CDH18: variants seen among roughly 807,000 people sequenced by gnomAD.
The protein encoded by CDH18 is cadherin-18.
In CDH18, 31 loss-of-function variants were observed where a neutral mutation model predicts 67.9. That is an observed-to-expected ratio of 0.46 (90% CI 0.34 to 0.62). The LOEUF is 0.62. Among genes scored for constraint, CDH18 ranks in the 20% least tolerant of loss-of-function variants. CDH18 has a pLI of 0.01. For missense variants in CDH18, 890 were observed against 975.5 expected (o/e 0.91, Z 1.17); for synonymous variants, 362 against 347.2 (o/e 1.04, Z -0.48).
At chr5:20,405,093 G>A (rs1022664286) in intron 1 of CDH18, among the ~76,000 whole-genome samples, 1 of 152,028 alleles carries the variant, frequency 6.6e-6, no homozygotes, top group Non-Finnish European at 1.5e-5. Context: ...TTAGTTTAAA[G>A]TTCATATGGA....
At position 20,290,088 on chromosome 5, in the gene CDH18, TC is replaced by T. The variant is rs1424390551; in HGVS notation, c.-579-34584del. ...AGGCAGGGAGAAATAATACCTTCCT[TC>T]CCTGTCAAGTGCATTCTACAGCAGT... On this transcript the variant is annotated intron_variant, in intron 1 of 14. Coordinates refer to the CDH18 transcript ENST00000507958. 2.0e-5 allele frequency among the ~76,000 whole-genome samples: 3 copies of T among 152,172 alleles called. No homozygotes were observed. The East Asian group carries it at 5.8e-4, about 29-fold the overall frequency.
At chr5:20,115,409 G>A (rs1208611787) in intron 2 of CDH18, among the ~76,000 whole-genome samples, 1 of 149,508 alleles carries the variant, frequency 6.7e-6, no homozygotes, top group African/African-American at 2.5e-5. Flanking sequence ...CTCCTGAGTA[G>A]CTGGGACTAC....
intron 5 of CDH18, among the ~76,000 whole-genome samples, chr5:19,670,301 T>A (rs935290652): frequency 1.3e-5 from 2 of 152,260 alleles, no homozygotes; most frequent in Non-Finnish European, 1.5e-5. Flanking sequence ...GTGGTTTTCA[T>A]ATGAAAATTC....
chr5:20,083,065 A>G (rs1027181365), intron 2 of CDH18, among the ~76,000 whole-genome samples: 3 of 152,240 alleles, frequency 2.0e-5, no homozygotes, highest in African/African-American at 4.8e-5. Context: ...AATATGTTAC[A>G]TTGCATTTCC....
rs1580467768 is a variant in CDH18 at position 20,202,580 on chromosome 5, G to C, written c.-518+52864C>G. Among the ~76,000 whole-genome samples, 3 of 152,010 alleles carry C rather than the reference G, an allele frequency of 2.0e-5. No individual in the cohort carries two copies. In the South Asian group the frequency reaches 6.2e-4, roughly 32 times the overall value. On this transcript the variant is annotated intron_variant, in intron 2 of 14. Transcript: ENST00000507958. ...CTGGTGTTATTAGAGGCAAAAACTA[G>C]AGAAATAACATGTTGCCCAAATGAA...
At chr5:20,261,602 G>A (rs966209302) in intron 1 of CDH18, among the ~76,000 whole-genome samples, 3 of 152,158 alleles carry the variant, frequency 2.0e-5, no homozygotes, top group East Asian at 1.9e-4. Flanking sequence ...TTAGCCAGGC[G>A]TGGTGGCGGG....
intron 5 of CDH18, among the ~76,000 whole-genome samples, chr5:19,634,519 T>C (rs1176780412): frequency 2.0e-5 from 3 of 152,206 alleles, no homozygotes; most frequent in South Asian, 4.1e-4. Flanking sequence ...CATAAAAAAC[T>C]GCCTAGAGAA....
At chr5:19,575,494 T>C (rs1031260753) in intron 7 of CDH18, among the ~76,000 whole-genome samples, 1 of 152,184 alleles carries the variant, frequency 6.6e-6, no homozygotes, top group Non-Finnish European at 1.5e-5. Flanking sequence ...TTTCATATGG[T>C]TCAGTCTAGC....
intron 2 of CDH18, among the ~76,000 whole-genome samples, chr5:19,880,141 A>G (rs1009704509): frequency 7.2e-5 from 11 of 151,940 alleles, no homozygotes. Flanking sequence ...GGTAAACTCT[A>G]TATGTACTTC....
intron 1 of CDH18, chr5:20,304,217 G>A: frequency 2.0e-6 from 3 of 1,504,580 alleles, no homozygotes; most frequent in South Asian, 1.1e-5. Context: ...TGGCATATTG[G>A]GTGGAATCAG....
chr5:19,707,739 TG>T (rs1764152580), intron 5 of CDH18, among the ~76,000 whole-genome samples: 1 of 152,192 alleles, frequency 6.6e-6, no homozygotes, highest in Non-Finnish European at 1.5e-5. Flanking sequence ...CTCCTATAAC[TG>T]AGGCATACCA....
chr5:19,803,740 A>G (rs1318064707), intron 3 of CDH18: 1 of 152,194 alleles, frequency 6.6e-6, no homozygotes, highest in African/African-American at 2.4e-5. Context: ...TTTCTGATTA[A>G]GCTAGCTAAT....
intron 2 of CDH18, among the ~76,000 whole-genome samples, chr5:20,117,685 A>G (rs966572136): frequency 4.6e-5 from 7 of 152,206 alleles, no homozygotes; most frequent in African/African-American, 1.7e-4. Flanking sequence ...AGCGAACAGA[A>G]TTATAATATA....
intron 2 of CDH18, among the ~76,000 whole-genome samples, chr5:19,875,550 T>C (rs1786884466): frequency 6.6e-6 from 1 of 152,092 alleles, no homozygotes; most frequent in Admixed American, 6.6e-5. Context: ...TTTTTATGTT[T>C]TGTACCTTCA....
At chr5:19,476,089 G>A (rs1738414779) in intron 12 of CDH18, among the ~76,000 whole-genome samples, 1 of 152,010 alleles carries the variant, frequency 6.6e-6, no homozygotes, top group South Asian at 2.1e-4. Context: ...GATGGTCACT[G>A]TGCACTGGGA....
chr5:19,736,741 G>A (rs537046906), intron 4 of CDH18, among the ~76,000 whole-genome samples: 7 of 152,078 alleles, frequency 4.6e-5, no homozygotes, highest in African/African-American at 1.7e-4. Context: ...TAAACTTAGA[G>A]AGTAGCACCG....
intron 2 of CDH18, among the ~76,000 whole-genome samples, chr5:20,136,291 A>C (rs1419210863): frequency 1.3e-5 from 2 of 152,170 alleles, no homozygotes; most frequent in Non-Finnish European, 2.9e-5. Flanking sequence ...TTGGGTGCAT[A>C]AATATTTAGG....
intron 5 of CDH18, among the ~76,000 whole-genome samples, chr5:19,616,399 T>C (rs1749848156): frequency 6.6e-6 from 1 of 152,098 alleles, no homozygotes; most frequent in Admixed American, 6.6e-5. Flanking sequence ...AAAAATTGGT[T>C]AAATGTGAAG....
At chr5:20,038,667 T>A (rs1344654692) in intron 2 of CDH18, among the ~76,000 whole-genome samples, 3 of 152,130 alleles carry the variant, frequency 2.0e-5, no homozygotes, top group Admixed American at 2.0e-4. Flanking sequence ...AAACTCTTAA[T>A]AAACTAGGTA....
Sources: gnomAD v4.1 joint callset for allele counts (sites outside exome capture counted in the v4.1 genomes callset) on GRCh38, gnomAD v4.1.1 for gene constraint, MANE v1.5 for transcripts, NCBI Gene and HGNC (gene_info 2026-07-23, HGNC 2026-07-21) for gene names.